NKAIN2: variants seen among roughly 807,000 people sequenced by gnomAD.
NKAIN2 encodes the protein sodium/potassium transporting ATPase interacting 2.
In NKAIN2, 14 loss-of-function variants were observed where a neutral mutation model predicts 32.6. The observed-to-expected ratio is 0.43, with a 90% CI of 0.28 to 0.67. The LOEUF (loss-of-function observed/expected upper bound fraction) is 0.67, where lower values mean the gene tolerates loss of function less well. Among genes scored for constraint, NKAIN2 ranks in the 30% least tolerant of loss-of-function variants. The pLI, the probability that NKAIN2 is intolerant of heterozygous loss-of-function variation, is 0.17. For synonymous variants in NKAIN2, 80 were observed against 87.2 expected, an observed-to-expected ratio of 0.92 and a Z score of 0.46; for missense variants, 198 against 258.3, an observed-to-expected ratio of 0.77 and a Z score of 1.60.
chr6:124,724,156 C>T (rs914074771), intron 4 of NKAIN2, among the ~76,000 whole-genome samples: 1 of 152,058 alleles, frequency 6.6e-6, no homozygotes, highest in Non-Finnish European at 1.5e-5. Flanking sequence ...TTATATCATT[C>T]CAGCTAAACT....
intron 1 of NKAIN2, among the ~76,000 whole-genome samples, chr6:124,007,168 A>T (rs1267172656): frequency 6.6e-6 from 1 of 152,198 alleles, no homozygotes; most frequent in East Asian, 1.9e-4. Context: ...TGTAGCACAA[A>T]TGTAAGTATT....
chr6:124,503,830 T>C (rs1482235208), intron 3 of NKAIN2, among the ~76,000 whole-genome samples: 3 of 152,148 alleles, frequency 2.0e-5, no homozygotes, highest in East Asian at 3.9e-4. Context: ...AAGCAGAACA[T>C]TGTGGCTCAA....
intron 3 of NKAIN2, among the ~76,000 whole-genome samples, chr6:124,584,402 A>G (rs1300282653): frequency 6.6e-6 from 1 of 152,222 alleles, no homozygotes; most frequent in Non-Finnish European, 1.5e-5. Flanking sequence ...TTCTAATCCC[A>G]ACACTTTGGG....
At chr6:124,195,400 A>T (rs979828548) in intron 1 of NKAIN2, among the ~76,000 whole-genome samples, 1 of 152,160 alleles carries the variant, frequency 6.6e-6, no homozygotes, top group Non-Finnish European at 1.5e-5. Flanking sequence ...AACAAATTCA[A>T]TGTTAGCTAA....
chr6:124,636,370 G>A (rs900391588), intron 3 of NKAIN2, among the ~76,000 whole-genome samples: 3 of 151,870 alleles, frequency 2.0e-5, no homozygotes, highest in Non-Finnish European at 4.4e-5. Flanking sequence ...AGCATCCAGG[G>A]AAGCAAGGAA....
At chr6:124,037,132 T>C (rs59806628) in intron 1 of NKAIN2, among the ~76,000 whole-genome samples, 18,900 of 151,972 alleles carry the variant, frequency 0.12, 3,597 homozygotes, top group African/African-American at 0.41. Context: ...AGGCGAGTGC[T>C]CACAATGTGG....
At chr6:124,136,256 C>G (rs1237500403) in intron 1 of NKAIN2, among the ~76,000 whole-genome samples, 3 of 151,804 alleles carry the variant, frequency 2.0e-5, no homozygotes, top group Admixed American at 2.0e-4. Context: ...TTTACATGCA[C>G]AATCTTGAGG....
chr6:123,928,277 G>A (rs1047519013), intron 1 of NKAIN2, among the ~76,000 whole-genome samples: 2 of 152,120 alleles, frequency 1.3e-5, no homozygotes, highest in African/African-American at 4.8e-5. Context: ...TGAGTGCAAG[G>A]ACTGAAAAAC....
intron 3 of NKAIN2, among the ~76,000 whole-genome samples, chr6:124,521,214 G>A (rs1177947647): frequency 6.6e-6 from 1 of 152,152 alleles, no homozygotes; most frequent in Non-Finnish European, 1.5e-5. Flanking sequence ...TCCCATCACT[G>A]TTCCCCGTCT....
chr6:124,270,720 G>A, intron 1 of NKAIN2, among the ~76,000 whole-genome samples: 1 of 152,108 alleles, frequency 6.6e-6, no homozygotes, highest in Non-Finnish European at 1.5e-5. Flanking sequence ...TAATATATAG[G>A]CAACCCATCA....
chr6:123,945,502 G>A (rs1053803346), intron 1 of NKAIN2, among the ~76,000 whole-genome samples: 3 of 152,040 alleles, frequency 2.0e-5, no homozygotes, highest in African/African-American at 7.2e-5. Context: ...AATTAGGCCT[G>A]GCACCTTCTT....
At chr6:124,494,600 T>C (rs1294759462) in intron 3 of NKAIN2, among the ~76,000 whole-genome samples, 1 of 152,116 alleles carries the variant, frequency 6.6e-6, no homozygotes, top group African/African-American at 2.4e-5. Flanking sequence ...TCATAACAGA[T>C]AAATGATAAC....
At position 124,031,305 on chromosome 6, in the gene NKAIN2, CTTT is replaced by C. The variant is rs1781393034; in HGVS notation, c.54+227052_54+227054del. On this transcript the variant is annotated intron_variant, in intron 1 of 6. Coordinates refer to ENST00000368417, the MANE Select transcript of NKAIN2 (RefSeq NM_001040214.3). Reference sequence around the variant, plus strand: ...CTATTTGATTCTTCTTTCTTTTCTTCTTTATTAGTCTTGCTAGCGGTCTATCCA... The same window carrying C: ...CTATTTGATTCTTCTTTCTTTTCTTCATTAGTCTTGCTAGCGGTCTATCCA... Among the ~76,000 whole-genome samples the C allele has an allele frequency of 8.6e-5, 13 of 152,014 alleles. 1 individual carries two copies. The South Asian group carries it at 2.7e-3, about 32-fold the overall frequency.
chr6:123,818,655 G>C (rs965376402), intron 1 of NKAIN2, among the ~76,000 whole-genome samples: 1 of 152,222 alleles, frequency 6.6e-6, no homozygotes, highest in Middle Eastern at 3.4e-3. Flanking sequence ...TAATTTGCAT[G>C]CCTGGAGAAA....
intron 4 of NKAIN2, among the ~76,000 whole-genome samples, chr6:124,682,133 TG>T (rs1042819061): frequency 3.3e-5 from 5 of 151,836 alleles, no homozygotes; most frequent in African/African-American, 1.2e-4. Flanking sequence ...CAGTAAAAAA[TG>T]TTTTTTTTTT....
At chr6:124,020,156 A>G (rs1780801185) in intron 1 of NKAIN2, among the ~76,000 whole-genome samples, 1 of 152,104 alleles carries the variant, frequency 6.6e-6, no homozygotes, top group Non-Finnish European at 1.5e-5. Flanking sequence ...GACTCTGTGA[A>G]GTGTACATCT....
intron 1 of NKAIN2, among the ~76,000 whole-genome samples, chr6:124,139,474 A>G (rs1004549070): frequency 6.6e-6 from 1 of 152,216 alleles, no homozygotes; most frequent in Non-Finnish European, 1.5e-5. Flanking sequence ...GCTATGTGAG[A>G]AAAACATCTT....
chr6:123,881,077 A>G (rs984811876), intron 1 of NKAIN2, among the ~76,000 whole-genome samples: 2 of 152,188 alleles, frequency 1.3e-5, no homozygotes, highest in African/African-American at 4.8e-5. Context: ...GCTGTTGGGC[A>G]GTAGCACCAT....
At chr6:124,657,001 C>A (rs999488044) in intron 3 of NKAIN2, among the ~76,000 whole-genome samples, 5 of 152,206 alleles carry the variant, frequency 3.3e-5, no homozygotes, top group East Asian at 1.9e-4. Context: ...GAGATCACCC[C>A]TACCCCACCC....
Sources: allele counts gnomAD v4.1 joint callset (sites outside exome capture counted in the v4.1 genomes callset), GRCh38; gene constraint gnomAD v4.1.1; transcripts MANE v1.5; gene names NCBI Gene and HGNC (gene_info 2026-07-23, HGNC 2026-07-21).